Variants in CNTNAP2 observed in about 807,000 individuals in gnomAD.
The protein encoded by CNTNAP2 is contactin-associated protein-like 2.
Under a neutral mutation model 155.2 loss-of-function variants are expected in CNTNAP2, and 98 were observed. That is an observed-to-expected ratio of 0.63 (90% CI 0.54 to 0.75). CNTNAP2 has a LOEUF of 0.75. Among genes scored for constraint, CNTNAP2 ranks in the 30% least tolerant of loss-of-function variants. The pLI, the probability that CNTNAP2 is intolerant of heterozygous loss-of-function variation, is 0.00. For missense variants in CNTNAP2, 1,727 were observed against 1,688.1 expected (o/e 1.02, Z -0.40); for synonymous variants, 651 against 631.2 (o/e 1.03, Z -0.47).
chr7:146,686,721 C>T (rs1307906244), intron 1 of CNTNAP2, among the ~76,000 whole-genome samples: 1 of 152,194 alleles, frequency 6.6e-6, no homozygotes, highest in Non-Finnish European at 1.5e-5. Context: ...CTTAGAAAGA[C>T]TGTCTAGTCA....
intron 20 of CNTNAP2, among the ~76,000 whole-genome samples, chr7:148,232,457 T>C (rs1795981149): frequency 6.6e-6 from 1 of 152,238 alleles, no homozygotes; most frequent in Non-Finnish European, 1.5e-5. Context: ...GAAGGGATTA[T>C]CAATGGTTTG....
intron 12 of CNTNAP2, among the ~76,000 whole-genome samples, chr7:147,605,028 C>A (rs752246536): frequency 3.3e-5 from 5 of 152,078 alleles, no homozygotes; most frequent in Non-Finnish European, 5.9e-5. Flanking sequence ...TCCATTTTTA[C>A]CTCAGGAAAC....
At chr7:146,466,654 T>A (rs1455940938) in intron 1 of CNTNAP2, among the ~76,000 whole-genome samples, 2 of 152,198 alleles carry the variant, frequency 1.3e-5, no homozygotes, top group Non-Finnish European at 2.9e-5. Context: ...AATCAGGAAT[T>A]TATAGCATAA....
At position 147,082,771 on chromosome 7, in the gene CNTNAP2, T is replaced by C. The variant is rs569034675; in HGVS notation, c.551-25376T>C. ...AAAAGCAAGGAAATTCAGTTTCCTA[T>C]ATGATGGAAGTGTCAGGGTGGAACA... On this transcript the variant is annotated intron_variant, in intron 4 of 23. Transcript: ENST00000361727. The C allele has an allele frequency of 3.9e-5, 6 of 152,296 alleles. No individual in the cohort carries two copies. In the East Asian group the frequency reaches 5.8e-4, roughly 15 times the overall value. The allele number at this position is 152,296 out of a possible 1,614,324, so 9.4% of individuals were successfully genotyped here.
intron 12 of CNTNAP2, among the ~76,000 whole-genome samples, chr7:147,575,432 TGTGTGTGA>T (rs1800379304): frequency 6.7e-6 from 1 of 148,830 alleles, no homozygotes; most frequent in African/African-American, 2.5e-5. Flanking sequence ...GGTATATGTG[TGTGTGTGA>T]GTGTGTGTAT....
At chr7:148,124,896 T>C (rs996448792) in intron 16 of CNTNAP2, among the ~76,000 whole-genome samples, 1 of 151,994 alleles carries the variant, frequency 6.6e-6, no homozygotes, top group African/African-American at 2.4e-5. Context: ...AGTTGGGTCA[T>C]AAAAATCAGG....
intron 1 of CNTNAP2, among the ~76,000 whole-genome samples, chr7:146,773,029 G>A (rs1802324307): frequency 6.6e-6 from 1 of 152,132 alleles, no homozygotes; most frequent in Admixed American, 6.5e-5. Context: ...AAGTGAGGCA[G>A]TAGGATTTGG....
chr7:147,850,852 A>C (rs1563110863), intron 13 of CNTNAP2, among the ~76,000 whole-genome samples: 1 of 152,200 alleles, frequency 6.6e-6, no homozygotes, highest in Non-Finnish European at 1.5e-5. Context: ...CATTCAGGAC[A>C]TAGGCATGGG....
rs543158500 is a variant in CNTNAP2 at position 146,896,138 on chromosome 7, G to A, written c.402+56234G>A. ...GAGAAACAAAATAAGCTTCAGAGTG[G>A]TGGGATAGGATGCAGAATCACATGA... On this transcript the variant is annotated intron_variant, in intron 3 of 23. Transcript: ENST00000361727. Among the ~76,000 whole-genome samples the A allele has an allele frequency of 3.9e-5, 6 of 152,206 alleles. No homozygotes were observed. The South Asian group carries it at 1.0e-3, about 26-fold the overall frequency.
At chr7:148,157,648 A>G (rs1249089135) in intron 17 of CNTNAP2, among the ~76,000 whole-genome samples, 1 of 151,712 alleles carries the variant, frequency 6.6e-6, no homozygotes, top group African/African-American at 2.4e-5. Flanking sequence ...GAGCCTGAGC[A>G]TAGTTTTCAG....
chr7:146,465,651 GAGAGGCAT>G (rs1475694971), intron 1 of CNTNAP2, among the ~76,000 whole-genome samples: 2 of 152,142 alleles, frequency 1.3e-5, no homozygotes, highest in African/African-American at 4.8e-5. Flanking sequence ...CCAGCTTCTG[GAGAGGCAT>G]TTAAAAATGG....
chr7:146,448,545 C>T (rs1796434752), intron 1 of CNTNAP2, among the ~76,000 whole-genome samples: 1 of 151,260 alleles, frequency 6.6e-6, no homozygotes, highest in African/African-American at 2.4e-5. Flanking sequence ...TTTTAGGGTA[C>T]ATGTGAATAT....
intron 22 of CNTNAP2, among the ~76,000 whole-genome samples, chr7:148,387,632 T>C (rs1799242820): frequency 6.6e-6 from 1 of 152,090 alleles, no homozygotes; most frequent in Non-Finnish European, 1.5e-5. Context: ...AGCATTCGTG[T>C]TTTTTAGCAT....
At chr7:147,900,004 T>C (rs1799839407) in intron 13 of CNTNAP2, among the ~76,000 whole-genome samples, 1 of 152,198 alleles carries the variant, frequency 6.6e-6, no homozygotes, top group Admixed American at 6.5e-5. Flanking sequence ...CTTCCCGCCA[T>C]TCACCTGAAA....
chr7:146,982,409 G>A (rs892997430), intron 3 of CNTNAP2, among the ~76,000 whole-genome samples: 6 of 151,940 alleles, frequency 3.9e-5, no homozygotes, highest in Admixed American at 1.3e-4. Context: ...TTACTTACAC[G>A]AATGAAGCTA....
intron 13 of CNTNAP2, among the ~76,000 whole-genome samples, chr7:147,766,437 G>A (rs1231077206): frequency 6.6e-6 from 1 of 152,102 alleles, no homozygotes; most frequent in Non-Finnish European, 1.5e-5. Context: ...AACGGTGTAG[G>A]TGAAGTAGAA....
intron 12 of CNTNAP2, among the ~76,000 whole-genome samples, chr7:147,614,189 A>G (rs1801240681): frequency 6.6e-6 from 1 of 152,178 alleles, no homozygotes; most frequent in African/African-American, 2.4e-5. Flanking sequence ...TGTCTTGGCT[A>G]TTCTTAGACC....
intron 3 of CNTNAP2, among the ~76,000 whole-genome samples, chr7:147,011,016 C>A (rs1243624026): frequency 6.6e-6 from 1 of 152,030 alleles, no homozygotes; most frequent in Non-Finnish European, 1.5e-5. Context: ...GGAAGCTTCA[C>A]CACCGTGTAT....
At chr7:146,655,982 A>G (rs1053723178) in intron 1 of CNTNAP2, among the ~76,000 whole-genome samples, 1 of 152,252 alleles carries the variant, frequency 6.6e-6, no homozygotes, top group African/African-American at 2.4e-5. Context: ...CCACTGAAGC[A>G]TAGCAAGGTC....
Sources: gnomAD v4.1 joint callset for allele counts (sites outside exome capture counted in the v4.1 genomes callset) on GRCh38, gnomAD v4.1.1 for gene constraint, MANE v1.5 for transcripts, NCBI Gene and HGNC (gene_info 2026-07-23, HGNC 2026-07-21) for gene names.